DDC: variants seen among roughly 807,000 people sequenced by gnomAD.
The protein encoded by DDC is dopa decarboxylase.
In DDC, 43 loss-of-function variants were observed where a neutral mutation model predicts 60.0. The ratio of observed to expected loss-of-function variants is 0.72; its 90% CI spans 0.56 to 0.92. DDC has a LOEUF of 0.92. Ranked by LOEUF, DDC falls within the 40% of genes least tolerant of loss-of-function variation. The pLI, the probability that DDC is intolerant of heterozygous loss-of-function variation, is 0.00. For missense variants in DDC, 573 were observed against 620.2 expected (o/e 0.92, Z 0.81); for synonymous variants, 232 against 234.6 (o/e 0.99, Z 0.10).
intron 6 of DDC, among the ~76,000 whole-genome samples, chr7:50,523,040 A>G (rs1168145966): frequency 6.6e-6 from 1 of 152,210 alleles, no homozygotes; most frequent in Non-Finnish European, 1.5e-5. Context: ...CCTTCCCCTA[A>G]CACTGAGGAT....
At chr7:50,560,574 T>A (rs1313117533) in intron 1 of DDC, among the ~76,000 whole-genome samples, 2 of 152,146 alleles carry the variant, frequency 1.3e-5, no homozygotes, top group Non-Finnish European at 2.9e-5. Context: ...TGCATCTGAA[T>A]GCAAACCTGA....
rs556008752 is a variant in DDC, at chr7:50,513,936, C to A, written c.715-9877G>T. Among the ~76,000 whole-genome samples the A allele has an allele frequency of 5.3e-5, 8 of 152,172 alleles. No homozygotes were observed. The South Asian group carries it at 1.7e-3, about 32-fold the overall frequency. On this transcript the variant is annotated intron_variant, in intron 6 of 14. Transcript: ENST00000444124. ...GCATATAATCTTGGGAGTTGTAGGG[C>A]CCTGCCCACCACTGGGCCCTCTCCA...
intron 1 of DDC, among the ~76,000 whole-genome samples, chr7:50,544,704 A>G (rs2044745033): frequency 6.6e-6 from 1 of 152,218 alleles, no homozygotes; most frequent in Admixed American, 6.5e-5. Flanking sequence ...CCCTCCTTGC[A>G]TAAGTAATAT....
At chr7:50,546,226 G>T (rs1237008789) in intron 1 of DDC, among the ~76,000 whole-genome samples, 4 of 152,094 alleles carry the variant, frequency 2.6e-5, no homozygotes, top group South Asian at 2.1e-4. Context: ...TGAGGTTAAA[G>T]GTGGTAAAGA....
At chr7:50,506,101 T>G (rs926961689) in intron 6 of DDC, among the ~76,000 whole-genome samples, 2 of 152,088 alleles carry the variant, frequency 1.3e-5, no homozygotes, top group Non-Finnish European at 2.9e-5. Flanking sequence ...TAGGATCGGC[T>G]GGTTTGAATA....
intron 6 of DDC, among the ~76,000 whole-genome samples, chr7:50,508,853 C>A (rs1042650079): frequency 2.0e-5 from 3 of 152,110 alleles, no homozygotes; most frequent in Admixed American, 2.0e-4. Context: ...CCTTTGGCTG[C>A]CAGTTAAAGA....
At chr7:50,492,532 T>G in intron 9 of DDC, 1 of 220,730 alleles carries the variant, frequency 4.5e-6, no homozygotes, top group Non-Finnish European at 8.3e-6. Context: ...AGGTAAGAGG[T>G]TCCTCAAGTA....
At chr7:50,521,112 A>T (rs1260793583) in intron 6 of DDC, among the ~76,000 whole-genome samples, 1 of 152,014 alleles carries the variant, frequency 6.6e-6, no homozygotes, top group Non-Finnish European at 1.5e-5. Flanking sequence ...ATCAGAAAGG[A>T]AAGTAGAACC....
At chr7:50,511,256 A>G (rs2043570485) in intron 6 of DDC, among the ~76,000 whole-genome samples, 1 of 151,608 alleles carries the variant, frequency 6.6e-6, no homozygotes, top group Non-Finnish European at 1.5e-5. Context: ...TATGAGAGAG[A>G]TAGCTGGGAA....
chr7:50,504,289 G>A (rs1374930337), intron 6 of DDC, among the ~76,000 whole-genome samples: 1 of 152,218 alleles, frequency 6.6e-6, no homozygotes, highest in African/African-American at 2.4e-5. Context: ...AAGCTCTGAG[G>A]TTAGAAACCG....
In DDC at chr7:50,499,128, A is replaced by G. The variant is rs1321999395; in HGVS notation, c.876+20T>C. 9 of 1,585,870 alleles carry G rather than the reference A, an allele frequency of 5.7e-6. No homozygotes were observed. The African/African-American group carries it at 1.2e-4, about 21-fold the overall frequency. On this transcript the variant is annotated intron_variant, in intron 8 of 14. Coordinates refer to ENST00000444124, the MANE Select transcript of DDC (RefSeq NM_001082971.2). The stretch of plus-strand genomic sequence containing the variant: ...GAGCACTGTGAAAACAGCCTTAGGG[A>G]GAGCGAAGGGTGCACCTACCTCCAC...
chr7:50,494,701 G>T (rs570013713), intron 9 of DDC, among the ~76,000 whole-genome samples: 3 of 151,236 alleles, frequency 2.0e-5, no homozygotes, highest in Non-Finnish European at 4.4e-5. Context: ...GAGTCTTGTC[G>T]CCAAGGCTGG....
Position 50,483,494 on chromosome 7 carries a change from A to T in DDC, c.945-3631T>A, listed in dbSNP as rs138889765. ...CTCATCTGGTTTTAGAATCAAATTT[A>T]GACTGGCTTCAAGATATAAGAGGCA... On this transcript the variant is annotated intron_variant, in intron 9 of 14. Coordinates refer to ENST00000444124, the MANE Select transcript of DDC (RefSeq NM_001082971.2). Among the ~76,000 whole-genome samples, 328 of 152,296 alleles carry T rather than the reference A, an allele frequency of 2.2e-3. 1 individual carries two copies. Among genetic ancestry groups the T allele is most frequent in the African/African-American group, 7.6e-3 (317 of 41,570 alleles).
At chr7:50,561,263 G>A in intron 1 of DDC, among the ~76,000 whole-genome samples, 1 of 152,128 alleles carries the variant, frequency 6.6e-6, no homozygotes, top group Non-Finnish European at 1.5e-5. Flanking sequence ...AGGGCCTGCT[G>A]GGACTGGCGA....
chr7:50,469,876 G>A (rs1467074751), intron 12 of DDC, among the ~76,000 whole-genome samples, 197 bp downstream of exon 12: 2 of 152,060 alleles, frequency 1.3e-5, no homozygotes, highest in Non-Finnish European at 2.9e-5. Context: ...CTACTCAGGA[G>A]GCTAAGGCAG....
Position 50,533,061 on chromosome 7 carries a change from A to G in DDC, c.436-3719T>C, listed in dbSNP as rs59580169. On this transcript the variant is annotated intron_variant, in intron 4 of 14. Coordinates refer to ENST00000444124, the MANE Select transcript of DDC (RefSeq NM_001082971.2). ...ATATTTATATAGATTGTGATGCATC[A>G]TAGAAAATCATGGAGTAATACTTTT... Among the ~76,000 whole-genome samples, 1,500 of 152,348 alleles carry G rather than the reference A, an allele frequency of 9.8e-3. 23 individuals are homozygous for G. The highest frequency in any genetic ancestry group is 0.034 in the African/African-American group (1,432 of 41,574).
In DDC at chr7:50,528,322, C is replaced by T. The variant is rs563311123; in HGVS notation, c.571-42G>A. The stretch of plus-strand genomic sequence containing the variant: ...AGAGTTGGATTTGTACAGGTGTGTG[C>T]ATGCAGTTATTACCAGGCCCTGGAT... On this transcript the variant is annotated intron_variant, in intron 5 of 14. Coordinates refer to ENST00000444124, the MANE Select transcript of DDC (RefSeq NM_001082971.2). 4 of 1,613,134 alleles carry T rather than the reference C, an allele frequency of 2.5e-6. No homozygotes were observed. In the South Asian group the frequency reaches 4.4e-5, roughly 18 times the overall value.
At chr7:50,460,169 C>T (rs542640303) in intron 14 of DDC, among the ~76,000 whole-genome samples, 1,861 of 141,712 alleles carry the variant, frequency 0.013, 52 homozygotes, top group Non-Finnish European at 0.019. Flanking sequence ...CCAGCCGCCC[C>T]GTCCGGGAAG....
At chr7:50,523,451 A>G (rs1315228706) in intron 6 of DDC, among the ~76,000 whole-genome samples, 2 of 152,222 alleles carry the variant, frequency 1.3e-5, no homozygotes, top group Non-Finnish European at 2.9e-5. Context: ...CCCAAAATAC[A>G]CAAAGAACTC....
Sources: gnomAD v4.1 joint callset for allele counts (sites outside exome capture counted in the v4.1 genomes callset) on GRCh38, gnomAD v4.1.1 for gene constraint, MANE v1.5 for transcripts, NCBI Gene and HGNC (gene_info 2026-07-23, HGNC 2026-07-21) for gene names.